Variants in DCLK1 observed in about 807,000 individuals in gnomAD.
The protein encoded by DCLK1 is doublecortin like kinase 1.
DCLK1 carries 16 observed loss-of-function variants against 86.2 expected under a neutral mutation model. The ratio of observed to expected loss-of-function variants is 0.19; its 90% CI spans 0.13 to 0.28. The LOEUF (loss-of-function observed/expected upper bound fraction) is 0.28, where lower values mean the gene tolerates loss of function less well. Among genes scored for constraint, DCLK1 ranks in the 10% least tolerant of loss-of-function variants. The probability of loss-of-function intolerance (pLI) is 1.00; values close to 1 mark genes in which losing one functional copy is unlikely to be tolerated. For missense variants in DCLK1, 590 were observed against 940.2 expected, an observed-to-expected ratio of 0.63 and a Z score of 4.87; for synonymous variants, 369 against 370.5, an observed-to-expected ratio of 1.00 and a Z score of 0.05.
In DCLK1 at chr13:35,898,743, CT is replaced by C. The variant is rs996672770; in HGVS notation, c.824-27404del. On this transcript the variant is annotated intron_variant, in intron 4 of 16. Coordinates refer to ENST00000360631, the MANE Select transcript of DCLK1 (RefSeq NM_001330071.2). The stretch of plus-strand genomic sequence containing the variant: ...TGCTCTTGAACATGGTGGGTTTTTT[CT>C]TTTTTTTTTCTTTTTGAGACAGGGT... Among the ~76,000 whole-genome samples the C allele has an allele frequency of 8.2e-4, 123 of 149,270 alleles. 1 individual carries two copies. In the South Asian group the frequency reaches 0.025, roughly 30 times the overall value.
Position 36,112,181 on chromosome 13 carries a change from G to A in DCLK1, c.411C>T (p.Phe137=). The A allele has an allele frequency of 1.9e-6, 3 of 1,603,818 alleles. No homozygotes were observed. Among genetic ancestry groups the A allele is most frequent in the Non-Finnish European group, 2.6e-6 (3 of 1,172,052 alleles). ...ESYVCGSIEP[F]KKLEYTKNVN... ...CATTCTTGGTGTACTCCAGTTTCTT[G>A]AAGGGCTCTATGGAGCCACATACAT... The change falls in exon 3 of 17, where the codon TTC becomes TTT. Residue 137 remains phenylalanine, a synonymous_variant. Coordinates refer to ENST00000360631, the MANE Select transcript of DCLK1 (RefSeq NM_001330071.2).
At chr13:35,819,129 C>T (rs1207525709) in intron 11 of DCLK1, among the ~76,000 whole-genome samples, 1 of 152,096 alleles carries the variant, frequency 6.6e-6, no homozygotes, top group Admixed American at 6.5e-5. Flanking sequence ...GGCATGACAA[C>T]CAGTAAAGCA....
chr13:35,820,000 G>A (rs1043382746), intron 11 of DCLK1, among the ~76,000 whole-genome samples: 4 of 152,130 alleles, frequency 2.6e-5, no homozygotes, highest in South Asian at 2.1e-4. Context: ...AGAGTGAACC[G>A]CTTGGTTTTG....
At chr13:36,017,145 AAAT>A (rs1881567046) in intron 3 of DCLK1, among the ~76,000 whole-genome samples, 2 of 152,214 alleles carry the variant, frequency 1.3e-5, no homozygotes, top group African/African-American at 4.8e-5. Flanking sequence ...ACATTTTTAG[AAAT>A]AATAAAAAAG....
rs553067591 is a variant in DCLK1 at position 35,926,890 on chromosome 13, G to A, written c.823+20468C>T. Reference sequence around the variant, plus strand: ...ACCCATGACCCCCATCTCCAGAGCTGGTGCTCTTCCAAGGGCACATTTTAG... The same window carrying A: ...ACCCATGACCCCCATCTCCAGAGCTAGTGCTCTTCCAAGGGCACATTTTAG... On this transcript the variant is annotated intron_variant, in intron 4 of 16. Transcript: ENST00000360631. 1.0e-3 allele frequency among the ~76,000 whole-genome samples: 153 copies of A among 152,182 alleles called. 2 individuals carry two copies. Among genetic ancestry groups the A allele is most frequent in the Non-Finnish European group, 2.0e-3 (134 of 68,038 alleles).
In DCLK1 at chr13:35,992,815, A is replaced by G. The variant is rs2153144149; in HGVS notation, c.724-45358T>C. On this transcript the variant is annotated intron_variant, in intron 3 of 16. Transcript: ENST00000360631. Reference sequence around the variant, plus strand: ...TCTATTTCTCCTCTTTCCCCTGAAAATCCTGATCCTTTTTCCTTTGTGTGA... The same window carrying G: ...TCTATTTCTCCTCTTTCCCCTGAAAGTCCTGATCCTTTTTCCTTTGTGTGA... 1.3e-5 allele frequency among the ~76,000 whole-genome samples: 2 copies of G among 152,192 alleles called. 1 individual carries two copies. Among genetic ancestry groups the G allele is most frequent in the East Asian group, 3.9e-4 (2 of 5,168 alleles).
At chr13:36,096,019 A>C (rs1393744087) in intron 3 of DCLK1, among the ~76,000 whole-genome samples, 1 of 152,202 alleles carries the variant, frequency 6.6e-6, no homozygotes, top group Non-Finnish European at 1.5e-5. Context: ...TAAAGCCCCC[A>C]AAAGAGAGGG....
intron 1 of DCLK1, among the ~76,000 whole-genome samples, chr13:36,126,743 C>T (rs1192568309): frequency 1.3e-5 from 2 of 152,194 alleles, no homozygotes; most frequent in Non-Finnish European, 2.9e-5. Flanking sequence ...GTGGAAACAG[C>T]TTATTAATCA....
intron 3 of DCLK1, among the ~76,000 whole-genome samples, chr13:35,949,268 A>G (rs1877541363): frequency 6.6e-6 from 1 of 152,248 alleles, no homozygotes; most frequent in Non-Finnish European, 1.5e-5. Flanking sequence ...GTACACCATG[A>G]TGTCAAAGAA....
chr13:35,825,947 G>T (rs1397456633), intron 10 of DCLK1, among the ~76,000 whole-genome samples: 1 of 151,724 alleles, frequency 6.6e-6, no homozygotes, highest in African/African-American at 2.4e-5. Context: ...CAAGTAGCTG[G>T]GATTACAGGC....
chr13:35,863,835 T>G (rs1301784852), intron 5 of DCLK1, among the ~76,000 whole-genome samples: 1 of 152,252 alleles, frequency 6.6e-6, no homozygotes, highest in East Asian at 1.9e-4. Context: ...TTCCTCAGCT[T>G]TGATTCTTAT....
chr13:35,940,265 C>G (rs1245043102), intron 4 of DCLK1, among the ~76,000 whole-genome samples: 1 of 147,512 alleles, frequency 6.8e-6, no homozygotes, highest in African/African-American at 2.5e-5. Flanking sequence ...CATCTCCAGC[C>G]TGGGTGACAC....
intron 3 of DCLK1, among the ~76,000 whole-genome samples, chr13:36,087,979 C>T (rs1884673273): frequency 6.6e-6 from 1 of 152,174 alleles, no homozygotes; most frequent in African/African-American, 2.4e-5. Flanking sequence ...GATGCTCTGG[C>T]TGGGTCTAAA....
At position 35,774,216 on chromosome 13, in the gene DCLK1, A is replaced by G. The variant is rs2086381621; in HGVS notation, c.*319T>C. 4.5e-6 allele frequency: 1 copy of G among 222,166 alleles called. No individual in the cohort carries two copies. The highest frequency in any genetic ancestry group is 9.0e-6 in the Non-Finnish European group (1 of 110,928). 13.8% of individuals were successfully genotyped at this position (222,166 alleles called of 1,614,324 possible). On this transcript the variant is annotated 3_prime_UTR_variant, in exon 17 of 17. Transcript: ENST00000360631. ...AAAATTCTATGCACTCAGAGGGTTA[A>G]CAAGTGCTATATTACATACTGCAGA... is the stretch of plus-strand genomic sequence containing the variant.
intron 4 of DCLK1, among the ~76,000 whole-genome samples, chr13:35,892,780 T>A (rs960279181): frequency 6.6e-6 from 1 of 152,188 alleles, no homozygotes; most frequent in East Asian, 1.9e-4. Context: ...GTTCCCTTTA[T>A]GTAACATTGT....
chr13:35,831,590 G>T (rs1326909511), intron 8 of DCLK1, among the ~76,000 whole-genome samples: 1 of 152,030 alleles, frequency 6.6e-6, no homozygotes, highest in Non-Finnish European at 1.5e-5. Flanking sequence ...TTGTCTTTAA[G>T]GTGTCTATGT....
chr13:35,770,477 C>T lies in DCLK1; in HGVS notation c.*4058G>A, dbSNP rs1476433032. 2.0e-5 allele frequency: 3 copies of T among 152,134 alleles called. No individual in the cohort carries two copies. The highest frequency in any genetic ancestry group is 1.3e-4 in the Admixed American group (2 of 15,278). The allele number at this position is 152,134 out of a possible 1,614,324, so 9.4% of individuals were successfully genotyped here. Reference sequence around the variant, plus strand: ...GAAATCTTTATCCCCAAAAGAAGCACGTATCTTACCCTCTAAACTGCATGC... The same window carrying T: ...GAAATCTTTATCCCCAAAAGAAGCATGTATCTTACCCTCTAAACTGCATGC... On this transcript the variant is annotated 3_prime_UTR_variant, in exon 17 of 17. Transcript: ENST00000360631.
intron 2 of DCLK1, among the ~76,000 whole-genome samples, chr13:36,113,112 T>C (rs1248941736): frequency 6.6e-6 from 1 of 152,186 alleles, no homozygotes; most frequent in Admixed American, 6.5e-5. Context: ...TTTTTGTAAC[T>C]AGGAATAGGT....
intron 3 of DCLK1, among the ~76,000 whole-genome samples, chr13:36,016,967 A>T (rs1027129164): frequency 1.3e-5 from 2 of 152,198 alleles, no homozygotes; most frequent in Admixed American, 1.3e-4. Flanking sequence ...ATCAGACAGA[A>T]CAACTCCAAA....
Sources: allele counts gnomAD v4.1 joint callset (sites outside exome capture counted in the v4.1 genomes callset), GRCh38; gene constraint gnomAD v4.1.1; transcripts MANE v1.5; gene names NCBI Gene and HGNC (gene_info 2026-07-23, HGNC 2026-07-21).